Variants in SLC19A1 observed in about 807,000 individuals in gnomAD.
The protein encoded by SLC19A1 is reduced folate transporter.
A neutral mutation model predicts 35.3 loss-of-function variants in SLC19A1; 37 were observed. That is an observed-to-expected ratio of 1.05 (90% CI 0.81 to 1.38). The LOEUF is 1.38. Among genes scored for constraint, SLC19A1 ranks in the 40% most tolerant of loss-of-function variants. The probability of loss-of-function intolerance (pLI) is 0.00; values close to 1 mark genes in which losing one functional copy is unlikely to be tolerated. For synonymous variants in SLC19A1, 460 were observed against 398.5 expected (o/e 1.15, Z -1.84); for missense variants, 831 against 826.9 (o/e 1.00, Z -0.06).
chr21:45,518,917 T>C (rs1293475169), intron 5 of SLC19A1, among the ~76,000 whole-genome samples: 1 of 152,182 alleles, frequency 6.6e-6, no homozygotes, highest in Non-Finnish European at 1.5e-5. Context: ...AGAAGGAATC[T>C]TGAAATAACA....
chr21:45,560,477 C>T (rs1394598508), intron 1 of SLC19A1, among the ~76,000 whole-genome samples: 1 of 151,806 alleles, frequency 6.6e-6, no homozygotes, highest in African/African-American at 2.4e-5. Flanking sequence ...AGCTAATCCA[C>T]CACGCAGCAG....
chr21:45,518,821 A>T (rs916500088), intron 5 of SLC19A1, among the ~76,000 whole-genome samples: 1 of 152,238 alleles, frequency 6.6e-6, no homozygotes, highest in African/African-American at 2.4e-5. Flanking sequence ...AACTAAGAGA[A>T]GAAATTTGTA....
upstream of SLC19A1, among the ~76,000 whole-genome samples, chr21:45,545,970 C>G (rs1245992889): frequency 6.6e-6 from 1 of 152,234 alleles, no homozygotes; most frequent in Non-Finnish European, 1.5e-5. Context: ...AGCCCCCACT[C>G]CCGCCAGGCC....
At chr21:45,511,157 A>T, downstream of SLC19A1, 1 of 1,599,744 alleles carries the variant, frequency 6.3e-7, no homozygotes, top group East Asian at 2.3e-5. Flanking sequence ...TCAGGCTCTG[A>T]GGGTCCGCTG....
At chr21:45,502,946 G>A (rs960994193) in intron 3 of SLC19A1, 3 of 152,168 alleles carry the variant, frequency 2.0e-5, no homozygotes, top group Non-Finnish European at 2.9e-5. Context: ...TGGAAGGGCA[G>A]TCTAGAAAAA....
chr21:45,552,465 A>T (rs1196151391), intron 1 of SLC19A1, among the ~76,000 whole-genome samples: 1 of 152,082 alleles, frequency 6.6e-6, no homozygotes, highest in East Asian at 1.9e-4. Flanking sequence ...GGGGAGAGCG[A>T]CACCCACCCG....
intron 2 of SLC19A1, chr21:45,536,133 T>C (rs181072049): frequency 1.2e-3 from 208 of 166,700 alleles, no homozygotes; most frequent in African/African-American, 4.5e-3. Context: ...CCCCACCAAG[T>C]GGCAGGTGCG....
rs2078268259 is a variant in SLC19A1 at position 45,540,425 on chromosome 21, T to G, written c.-50+1943A>C. On this transcript the variant is annotated intron_variant, in intron 1 of 5. Coordinates refer to ENST00000311124, the MANE Select transcript of SLC19A1 (RefSeq NM_194255.4). This position sits in a 1 kb window ranked among gnomAD's most constrained non-coding sequence, Gnocchi z 5.5. ...CCAGGGGCCCGGGAGCCCTGGGTAC[T>G]TGGGCCCCCTGTTCTGAAAGGTGCC... Among the ~76,000 whole-genome samples the G allele has an allele frequency of 6.6e-6, 1 of 152,104 alleles. No homozygotes were observed. The highest frequency in any genetic ancestry group is 1.5e-5 in the Non-Finnish European group (1 of 68,002).
chr21:45,503,916 G>GC (rs1394920512), intron 3 of SLC19A1: 9 of 1,307,274 alleles, frequency 6.9e-6, no homozygotes, highest in African/African-American at 1.5e-5. Context: ...GGCTAGAAGG[G>GC]CCTCAGGCAA....
chr21:45,528,087 T>G (rs2077710707), intron 4 of SLC19A1, among the ~76,000 whole-genome samples: 2 of 145,848 alleles, frequency 1.4e-5, no homozygotes. Flanking sequence ...GTGGGGACAG[T>G]GGAGGCTCGG....
At position 45,530,539 on chromosome 21, in the gene SLC19A1, G is replaced by A. The variant is rs1022093238; in HGVS notation, c.1151+231C>T. ...GCAGGGCAAGGCTGTGAGCCCAGCA[G>A]GCTTCAGAGAGGAGCGTGGAGGGCC... On this transcript the variant is annotated intron_variant, in intron 4 of 5. Transcript: ENST00000311124. The surrounding 1 kb of genome is among the most constrained non-coding windows in gnomAD (Gnocchi z 5.3). Among the ~76,000 whole-genome samples, 5 of 152,276 alleles carry A rather than the reference G, an allele frequency of 3.3e-5. No homozygotes were observed. Among genetic ancestry groups the A allele is most frequent in the South Asian group, 2.1e-4 (1 of 4,826 alleles).
intron 2 of SLC19A1, among the ~76,000 whole-genome samples, chr21:45,536,991 G>A (rs1487110512): frequency 6.6e-6 from 1 of 152,210 alleles, no homozygotes; most frequent in East Asian, 1.9e-4. Context: ...CCGTGACTGG[G>A]CATAAGCCTA....
downstream of SLC19A1, chr21:45,509,972 C>A: frequency 7.0e-7 from 1 of 1,425,042 alleles, no homozygotes; most frequent in South Asian, 1.3e-5. Context: ...CCGTGCCTGT[C>A]CACACAGGTG....
At chr21:45,504,940 C>G (rs2037101303) in intron 3 of SLC19A1, among the ~76,000 whole-genome samples, 1 of 152,054 alleles carries the variant, frequency 6.6e-6, no homozygotes, top group South Asian at 2.1e-4. Flanking sequence ...GGTCTCTCCC[C>G]CGGGATCGCA....
rs1253268015 is a variant in SLC19A1 at position 45,540,016 on chromosome 21, G to A, written c.-49-2008C>T. Among the ~76,000 whole-genome samples the A allele has an allele frequency of 1.3e-5, 2 of 152,116 alleles. No homozygotes were observed. The highest frequency in any genetic ancestry group is 1.3e-4 in the Admixed American group (2 of 15,288). On this transcript the variant is annotated intron_variant, in intron 1 of 5. Transcript: ENST00000311124. The surrounding 1 kb of genome is among the most constrained non-coding windows in gnomAD (Gnocchi z 5.5). The stretch of plus-strand genomic sequence containing the variant: ...GGAGGAAGCGCAGGCAGGGGCCACT[G>A]CCAGGCCGAGGCAGATCTGACGGTC...
chr21:45,506,049 G>A, intron 3 of SLC19A1: 2 of 1,602,784 alleles, frequency 1.2e-6, no homozygotes, highest in Admixed American at 1.7e-5. Context: ...AGAGGCTCAG[G>A]CCCCGGACAG....
At chr21:45,507,388 C>T in intron 3 of SLC19A1, 1 of 613,366 alleles carries the variant, frequency 1.6e-6, no homozygotes, top group Non-Finnish European at 2.8e-6. Flanking sequence ...GGGTGCTGGG[C>T]AGGGAGCGTA....
rs1322117781 is a variant in SLC19A1 at position 45,515,145 on chromosome 21, T to TC, written c.*512dup. On this transcript the variant is annotated 3_prime_UTR_variant, in exon 6 of 6. Coordinates refer to ENST00000311124, the MANE Select transcript of SLC19A1 (RefSeq NM_194255.4). ...CAGAGACAGAGAAGCCACATGCAGT[T>TC]CTTCATTCTACGTCAGTTAAAAAAA... is the stretch of plus-strand genomic sequence containing the variant. The TC allele has an allele frequency of 6.5e-7, 1 of 1,530,402 alleles. No individual in the cohort carries two copies. Among genetic ancestry groups the TC allele is most frequent in the African/African-American group, 1.4e-5 (1 of 70,040 alleles). 94.8% of individuals were successfully genotyped at this position (1,530,402 alleles called of 1,614,324 possible).
intron 5 of SLC19A1, among the ~76,000 whole-genome samples, chr21:45,516,601 A>G (rs1009028840): frequency 2.6e-5 from 4 of 152,226 alleles, no homozygotes; most frequent in African/African-American, 7.2e-5. Flanking sequence ...AGCAGCCTGC[A>G]CATGGAGCCC....
Sources: gnomAD v4.1 joint callset for allele counts (sites outside exome capture counted in the v4.1 genomes callset) on GRCh38, gnomAD v4.1.1 for gene constraint, Gnocchi (gnomAD v3.1) non-coding constraint, MANE v1.5 for transcripts, NCBI Gene and HGNC (gene_info 2026-07-23, HGNC 2026-07-21) for gene names.